The following ZNF469 variants were observed in gnomAD, a reference collection of about 807,000 sequenced individuals.
ZNF469 encodes zinc finger protein 469.
In ZNF469, 1 loss-of-function variant was observed where a neutral mutation model predicts 1.0. That is an observed-to-expected ratio of 1.00 (90% CI 0.35 to 4.73). The LOEUF (loss-of-function observed/expected upper bound fraction) is 4.73, where lower values mean the gene tolerates loss of function less well. ZNF469 is among the 30% of genes most tolerant of loss of function. The pLI, the probability that ZNF469 is intolerant of heterozygous loss-of-function variation, is 0.16. For synonymous variants in ZNF469, 2,703 were observed against 2,363.4 expected (o/e 1.14, Z -4.17); for missense variants, 6,100 against 5,356.3 (o/e 1.14, Z -4.33).
At chr16:88,303,326 C>A in the ZNF469 span, among the ~76,000 whole-genome samples, 1 of 152,216 alleles carries the variant, frequency 6.6e-6, no homozygotes, top group African/African-American at 2.4e-5. Context: ...TCCTGGGCCC[C>A]GTTGGCTGGG....
At chr16:88,320,857 C>G in the ZNF469 span, among the ~76,000 whole-genome samples, 5 of 152,212 alleles carry the variant, frequency 3.3e-5, no homozygotes, top group South Asian at 2.1e-4. Context: ...ACCCAGCACA[C>G]GCCCAACACG....
the ZNF469 span, among the ~76,000 whole-genome samples, chr16:88,275,960 G>A: frequency 6.6e-6 from 1 of 152,176 alleles, no homozygotes; most frequent in African/African-American, 2.4e-5. Flanking sequence ...GGCCCATAAA[G>A]TGCAGAGTCC....
the ZNF469 span, among the ~76,000 whole-genome samples, chr16:88,232,833 T>C: frequency 4.6e-5 from 7 of 152,344 alleles, no homozygotes; most frequent in South Asian, 1.2e-3. Context: ...CTATTTGACA[T>C]TCGGAGCTGC....
the ZNF469 span, among the ~76,000 whole-genome samples, chr16:88,218,562 C>T: frequency 6.6e-6 from 1 of 152,126 alleles, no homozygotes; most frequent in African/African-American, 2.4e-5. Flanking sequence ...TGACAAAATT[C>T]AACAACGCTT....
intron 1 of ZNF469, among the ~76,000 whole-genome samples, chr16:88,386,062 C>T (rs1567497418): frequency 1.3e-5 from 2 of 152,198 alleles, no homozygotes; most frequent in Admixed American, 6.5e-5. Context: ...CGGTGAGGCA[C>T]AAGCGGCCCG....
At chr16:88,284,140 AGT>A in the ZNF469 span, among the ~76,000 whole-genome samples, 1 of 147,550 alleles carries the variant, frequency 6.8e-6, no homozygotes, top group African/African-American at 2.6e-5. Flanking sequence ...GTAGACCCCC[AGT>A]GTGCCCGAGG....
At chr16:88,344,624 C>G in the ZNF469 span, among the ~76,000 whole-genome samples, 1 of 152,230 alleles carries the variant, frequency 6.6e-6, no homozygotes, top group Non-Finnish European at 1.5e-5. Flanking sequence ...GCCTCTGCTG[C>G]TGTGCACCCT....
chr16:88,431,414 A>T lies in ZNF469; in HGVS notation c.3944A>T (p.Asn1315Ile). 1.9e-6 allele frequency: 3 copies of T among 1,550,228 alleles called. No individual in the cohort carries two copies. Among genetic ancestry groups the T allele is most frequent in the Non-Finnish European group, 2.6e-6 (3 of 1,146,960 alleles). The change falls in exon 3 of 3, where the codon AAC becomes ATC. Residue 1315 changes from asparagine to isoleucine, a missense_variant. Asn to Ile is a moderately radical substitution (Grantham distance 149). Coordinates refer to ENST00000565624, the MANE Select transcript of ZNF469 (RefSeq NM_001367624.2). ...PGGTQAPVSH[N>I]SKDPPARQPG... Reference sequence around the variant, plus strand: ...GGCACACAGGCCCCAGTCTCCCACAACAGCAAGGACCCCCCTGCCCGCCAG... The same window carrying T: ...GGCACACAGGCCCCAGTCTCCCACATCAGCAAGGACCCCCCTGCCCGCCAG...
chr16:88,206,247 G>A, the ZNF469 span, among the ~76,000 whole-genome samples: 4 of 152,316 alleles, frequency 2.6e-5, no homozygotes, highest in Admixed American at 6.5e-5. Flanking sequence ...TTCACTTGCC[G>A]TGGTCCCGGC....
chr16:88,305,623 T>G, the ZNF469 span, among the ~76,000 whole-genome samples: 3 of 145,956 alleles, frequency 2.1e-5, no homozygotes, highest in East Asian at 6.3e-4. Flanking sequence ...CACCCTCACG[T>G]GCACACACAT....
chr16:88,265,763 G>A, the ZNF469 span, among the ~76,000 whole-genome samples: 6 of 152,314 alleles, frequency 3.9e-5, no homozygotes, highest in South Asian at 2.1e-4. Context: ...CTCGGGAGGC[G>A]GCGCGTCTCT....
At chr16:88,288,962 G>A in the ZNF469 span, among the ~76,000 whole-genome samples, 1 of 152,192 alleles carries the variant, frequency 6.6e-6, no homozygotes. Flanking sequence ...TGTTCTTGGT[G>A]ACTCTACAGT....
the ZNF469 span, among the ~76,000 whole-genome samples, chr16:88,148,140 G>C: frequency 4.6e-5 from 7 of 152,162 alleles, no homozygotes; most frequent in South Asian, 1.5e-3. Context: ...TTTGCACCCT[G>C]CTCTGTAGCC....
chr16:88,237,548 T>C, the ZNF469 span, among the ~76,000 whole-genome samples: 4 of 117,998 alleles, frequency 3.4e-5, no homozygotes, highest in Admixed American at 8.2e-5. Context: ...TCCGTGCTCC[T>C]GCCACTCACC....
the ZNF469 span, among the ~76,000 whole-genome samples, chr16:88,273,928 C>T: frequency 1.3e-5 from 2 of 152,078 alleles, no homozygotes; most frequent in Non-Finnish European, 2.9e-5. Flanking sequence ...CCTCAGCCTC[C>T]CGTGTAGCTG....
At chr16:88,177,309 T>A in the ZNF469 span, 10,617 of 152,186 alleles carry the variant, frequency 0.07, 486 homozygotes, top group Middle Eastern at 0.14. This position sits in a 1 kb window ranked among gnomAD's most constrained non-coding sequence, Gnocchi z 4.8. Flanking sequence ...CAAATTCAAA[T>A]GCTATTTATT....
At chr16:88,376,740 G>A in the ZNF469 span, among the ~76,000 whole-genome samples, 5 of 152,204 alleles carry the variant, frequency 3.3e-5, no homozygotes, top group East Asian at 3.8e-4. Context: ...ACTGAGGCTC[G>A]CGGGGTGTCC....
chr16:88,108,309 C>T, the ZNF469 span, among the ~76,000 whole-genome samples: 5 of 152,026 alleles, frequency 3.3e-5, no homozygotes, highest in African/African-American at 9.7e-5. Context: ...AGCCCTGCAC[C>T]GTCACACTGT....
Position 88,433,015 on chromosome 16 carries a change from A to C in ZNF469, c.5545A>C (p.Arg1849=). The C allele has an allele frequency of 1.3e-6, 2 of 1,550,342 alleles. No homozygotes were observed. Among genetic ancestry groups the C allele is most frequent in the Non-Finnish European group, 8.7e-7 (1 of 1,146,964 alleles). ...TGGGCACCTCCACCCCACGGCAGGGAGGCCTGGCTTTGAGGGTAATGAGTT... is the reference window on the plus strand; with the variant it reads ...TGGGCACCTCCACCCCACGGCAGGGCGGCCTGGCTTTGAGGGTAATGAGTT... ...AGGHLHPTAG[R]PGFEGNEFAP... is the part of the protein sequence containing the mutation. The change falls in exon 3 of 3, where the codon AGG becomes CGG. Residue 1849 remains arginine, a synonymous_variant. Transcript: ENST00000565624.
Sources: gnomAD v4.1 joint callset for allele counts (sites outside exome capture counted in the v4.1 genomes callset) on GRCh38, gnomAD v4.1.1 for gene constraint, Gnocchi (gnomAD v3.1) non-coding constraint, MANE v1.5 for transcripts, NCBI Gene and HGNC (gene_info 2026-07-23, HGNC 2026-07-21) for gene names.